The following SLC25A36 variants were observed in gnomAD, a reference collection of about 807,000 sequenced individuals.
SLC25A36 encodes the protein epididymis secretory sperm binding protein.
Under a neutral mutation model 35.3 loss-of-function variants are expected in SLC25A36, and 24 were observed. The observed-to-expected ratio is 0.68, with a 90% confidence interval of 0.49 to 0.96. The LOEUF is 0.96. Ranked by LOEUF, SLC25A36 falls within the 40% of genes least tolerant of loss-of-function variation. The pLI is 0.00. For missense variants in SLC25A36, 294 were observed against 381.1 expected (o/e 0.77, Z 1.90); for synonymous variants, 141 against 132.2 (o/e 1.07, Z -0.46).
chr3:140,967,770 T>C (rs1934799693), intron 4 of SLC25A36, among the ~76,000 whole-genome samples: 1 of 151,902 alleles, frequency 6.6e-6, no homozygotes, highest in African/African-American at 2.4e-5. Flanking sequence ...TTTTAAGCTT[T>C]CTAACATACT....
chr3:140,941,844 G>T lies in SLC25A36; in HGVS notation c.-211G>T. ...TGCGCTGCGTCGCTTTCAGCCTCTG[G>T]TGAAGGGCGGCGCGCTTAGGCAGGC... On this transcript the variant is annotated 5_prime_UTR_variant, in exon 1 of 7. Transcript: ENST00000324194. The T allele has an allele frequency of 1.9e-6, 1 of 516,560 alleles. No homozygotes were observed. The highest frequency in any genetic ancestry group is 3.5e-6 in the Non-Finnish European group (1 of 289,534). The allele number at this position is 516,560 out of a possible 1,614,324, so 32.0% of individuals were successfully genotyped here. A position where few individuals can be genotyped will look rare whatever the true frequency, so the allele number is the denominator to read the frequency against.
intron 1 of SLC25A36, among the ~76,000 whole-genome samples, chr3:140,943,517 A>C (rs1934078547): frequency 6.6e-6 from 1 of 152,260 alleles, no homozygotes; most frequent in Admixed American, 6.5e-5. Context: ...TCTTTTTAAA[A>C]AAATTCTGTA....
chr3:140,973,726 G>C lies in SLC25A36; in HGVS notation c.463G>C (p.Glu155Gln). 2.0e-6 allele frequency: 3 copies of C among 1,473,240 alleles called. No individual in the cohort carries two copies. Among genetic ancestry groups the C allele is most frequent in the Non-Finnish European group, 2.7e-6 (3 of 1,101,738 alleles). 91.3% of individuals were successfully genotyped at this position (1,473,240 alleles called of 1,614,324 possible). ...RLQLDARNRG[E>Q]RRMGAFECVR... ...CTTTTTGCTTTTCAGGAACCGCGGGGAAAGGCGAATGGGTGCTTTTGAATG... is the reference window on the plus strand; with the variant it reads ...CTTTTTGCTTTTCAGGAACCGCGGGCAAAGGCGAATGGGTGCTTTTGAATG... The change falls in exon 6 of 7, where the codon GAA (glutamate) becomes CAA (glutamine). Residue 155 changes from glutamate (E) to glutamine (Q), a missense_variant. Around this residue, in one of 2 missense-constraint regions of SLC25A36, gnomAD observed 185 missense variants for 201.5 expected, o/e 0.92. Transcript: ENST00000324194.
At chr3:140,959,717 T>A (rs1934581758) in intron 3 of SLC25A36, among the ~76,000 whole-genome samples, 177 bp downstream of exon 3, 1 of 152,182 alleles carries the variant, frequency 6.6e-6, no homozygotes, top group African/African-American at 2.4e-5. Context: ...CAGAACAAAT[T>A]TATATAATAA....
chr3:140,950,106 A>G (rs925305712), intron 1 of SLC25A36, among the ~76,000 whole-genome samples: 3 of 152,164 alleles, frequency 2.0e-5, no homozygotes, highest in African/African-American at 7.2e-5. Context: ...CTCTCAATAT[A>G]TAATTTGATA....
At chr3:140,946,729 G>A (rs966529037) in intron 1 of SLC25A36, among the ~76,000 whole-genome samples, 1 of 152,210 alleles carries the variant, frequency 6.6e-6, no homozygotes, top group African/African-American at 2.4e-5. Flanking sequence ...AGATGGGCAA[G>A]ATTGCAGATG....
chr3:140,955,837 A>G (rs1178255611), intron 1 of SLC25A36, among the ~76,000 whole-genome samples: 2 of 152,086 alleles, frequency 1.3e-5, no homozygotes, highest in Non-Finnish European at 2.9e-5. Context: ...GACTACATGC[A>G]TGCCCCACCA....
rs374654519 is a variant in SLC25A36, at chr3:140,970,125, A to T, written c.386-802A>T. Among the ~76,000 whole-genome samples the T allele has an allele frequency of 7.9e-5, 12 of 152,056 alleles. No individual in the cohort carries two copies. In the East Asian group the frequency reaches 1.5e-3, roughly 20 times the overall value. On this transcript the variant is annotated intron_variant, in intron 4 of 6. Transcript: ENST00000324194. Reference sequence around the variant, plus strand: ...CCTAGAAACATACTGTTCCAGGTAGATCTTAATTTACTACCTGGAATGAGC... The same window carrying T: ...CCTAGAAACATACTGTTCCAGGTAGTTCTTAATTTACTACCTGGAATGAGC...
At chr3:140,948,137 TAG>T (rs1934216932) in intron 1 of SLC25A36, among the ~76,000 whole-genome samples, 2 of 152,262 alleles carry the variant, frequency 1.3e-5, no homozygotes, top group South Asian at 4.1e-4. Context: ...GTACTTTTAG[TAG>T]AGACAGGATT....
chr3:140,964,955 G>A (rs1203354859), intron 4 of SLC25A36: 3 of 151,728 alleles, frequency 2.0e-5, no homozygotes, highest in East Asian at 3.9e-4. Context: ...TTAACATATA[G>A]TTCATTTTTA....
intron 4 of SLC25A36, chr3:140,967,872 C>A: frequency 2.0e-6 from 1 of 489,752 alleles, no homozygotes; most frequent in Non-Finnish European, 2.7e-6. Context: ...ACAAATGGAT[C>A]CCTCATGTCG....
intron 3 of SLC25A36, among the ~76,000 whole-genome samples, chr3:140,960,436 T>C (rs77206326): frequency 0.075 from 11,369 of 152,268 alleles, 536 homozygotes; most frequent in East Asian, 0.17. Flanking sequence ...CTGAAGTTAG[T>C]GTTCCTTTCT....
intron 5 of SLC25A36, among the ~76,000 whole-genome samples, 193 bp downstream of exon 5, chr3:140,971,186 T>G (rs966793405): frequency 6.6e-5 from 10 of 152,066 alleles, no homozygotes; most frequent in African/African-American, 2.4e-4. Context: ...AGTATATTAT[T>G]AATATGTGTT....
At chr3:140,946,977 C>T (rs989175452) in intron 1 of SLC25A36, among the ~76,000 whole-genome samples, 15 of 152,060 alleles carry the variant, frequency 9.9e-5, no homozygotes, top group African/African-American at 3.4e-4. Flanking sequence ...AGCTACCTAC[C>T]CTCTGGGGAC....
intron 6 of SLC25A36, among the ~76,000 whole-genome samples, chr3:140,975,708 A>T (rs1363657017): frequency 6.6e-6 from 1 of 152,198 alleles, no homozygotes; most frequent in Non-Finnish European, 1.5e-5. Context: ...GCTCTTAAAA[A>T]TTTATTATTT....
intron 5 of SLC25A36, among the ~76,000 whole-genome samples, chr3:140,971,244 G>C (rs542811181): frequency 1.5e-4 from 23 of 152,074 alleles, no homozygotes; most frequent in Non-Finnish European, 1.9e-4. Flanking sequence ...AGATACCATA[G>C]AGAAACAGAA....
intron 2 of SLC25A36, 35 bp from the exon 3 acceptor site, chr3:140,959,428 G>A (rs758325812): frequency 8.7e-7 from 1 of 1,154,452 alleles, no homozygotes; most frequent in South Asian, 1.6e-5. Context: ...GACTTTGAAA[G>A]ATATTTCTGA....
intron 1 of SLC25A36, among the ~76,000 whole-genome samples, chr3:140,953,587 T>C (rs1379238190): frequency 6.6e-6 from 1 of 152,202 alleles, no homozygotes; most frequent in Non-Finnish European, 1.5e-5. Flanking sequence ...TTACATACAG[T>C]AAAATCTACC....
chr3:140,956,580 C>T lies in SLC25A36; in HGVS notation c.95C>T (p.Thr32Ile), dbSNP rs747207648. The T allele has an allele frequency of 6.2e-7, 1 of 1,606,640 alleles. No individual in the cohort carries two copies. Among genetic ancestry groups the T allele is most frequent in the East Asian group, 2.3e-5 (1 of 44,364 alleles). The stretch of plus-strand genomic sequence containing the variant: ...ACATGTCCACTGGAAGTTGTAAAAA[C>T]ACGACTGCAGTCATCTTCTGTGACG... ...ILTCPLEVVK[T>I]RLQSSSVTLY... The change falls in exon 2 of 7, where the codon ACA (threonine) becomes ATA (isoleucine). Residue 32 changes from threonine (T) to isoleucine (I), a missense_variant. Coordinates refer to ENST00000324194, the MANE Select transcript of SLC25A36 (RefSeq NM_001104647.3).
Sources: allele counts gnomAD v4.1 joint callset (sites outside exome capture counted in the v4.1 genomes callset), GRCh38; gene constraint gnomAD v4.1.1; regional missense constraint gnomAD v4.1.1; transcripts MANE v1.5; gene names NCBI Gene and HGNC (gene_info 2026-07-23, HGNC 2026-07-21).